MYH3: variants seen among roughly 807,000 people sequenced by gnomAD.
The protein encoded by MYH3 is myosin-3.
A neutral mutation model predicts 238.0 loss-of-function variants in MYH3; 130 were observed. The ratio of observed to expected loss-of-function variants is 0.55; its 90% CI spans 0.47 to 0.63. The LOEUF (loss-of-function observed/expected upper bound fraction) is 0.63, where lower values mean the gene tolerates loss of function less well. Among genes scored for constraint, MYH3 ranks in the 30% least tolerant of loss-of-function variants. MYH3 has a pLI of 0.00. For missense variants in MYH3, 1,853 were observed against 2,374.9 expected, an observed-to-expected ratio of 0.78 and a Z score of 4.57; for synonymous variants, 880 against 924.1, an observed-to-expected ratio of 0.95 and a Z score of 0.86.
Position 10,652,949 on chromosome 17 carries a change from C to G in MYH3, c.205-386G>C, listed in dbSNP as rs180837739. Among the ~76,000 whole-genome samples the G allele has an allele frequency of 5.7e-3, 866 of 152,140 alleles. 8 individuals are homozygous for G. Among genetic ancestry groups the G allele is most frequent in the African/African-American group, 0.02 (829 of 41,490 alleles). The stretch of plus-strand genomic sequence containing the variant: ...CTGCACGTCTTGTCTGCTGCCCCCA[C>G]CAAAAGACCAAGAGACTCTTGAGCC... On this transcript the variant is annotated intron_variant, in intron 3 of 40. Coordinates refer to ENST00000583535, the MANE Select transcript of MYH3 (RefSeq NM_002470.4).
intron 12 of MYH3, 119 bp downstream of exon 12, chr17:10,645,588 G>C (rs2074313314): frequency 2.3e-6 from 3 of 1,310,938 alleles, no homozygotes; most frequent in Non-Finnish European, 3.3e-6. Flanking sequence ...CTCCCAAAGT[G>C]CTGGGATTAC....
chr17:10,648,569 G>A lies in MYH3; in HGVS notation c.723C>T (p.Asn241=). The A allele has an allele frequency of 6.2e-7, 1 of 1,613,572 alleles. No individual in the cohort carries two copies. Among genetic ancestry groups the A allele is most frequent in the Non-Finnish European group, 8.5e-7 (1 of 1,179,484 alleles). Residue 241 remains asparagine, a synonymous_variant, in exon 8 of 41, where the codon AAC becomes AAT. Coordinates refer to ENST00000583535, the MANE Select transcript of MYH3 (RefSeq NM_002470.4). ...AACTCAGACTCACAAAACGGGAGGAGTTGTCATTCCTCACAGTCTTGGCGT... is the reference window on the plus strand; with the variant it reads ...AACTCAGACTCACAAAACGGGAGGAATTGTCATTCCTCACAGTCTTGGCGT... ...FGNAKTVRND[N]SSRFGKFIRI...
At chr17:10,648,737 A>G (rs569727713) in intron 7 of MYH3, 88 bp from the exon 8 acceptor site, 1 of 1,178,544 alleles carries the variant, frequency 8.5e-7, no homozygotes, top group African/African-American at 1.5e-5. Context: ...GTGCAATGGC[A>G]CGATCTTGGC....
At chr17:10,640,305 T>A in intron 21 of MYH3, 28 bp downstream of exon 21, 1 of 1,614,142 alleles carries the variant, frequency 6.2e-7, no homozygotes, top group Non-Finnish European at 8.5e-7. Flanking sequence ...CCCAAAGAGC[T>A]CATGTCTGAA....
In MYH3 at chr17:10,630,121, C is replaced by T; in HGVS notation, c.5533G>A (p.Glu1845Lys). The change falls in exon 38 of 41, where the codon GAG becomes AAG. Residue 1845 changes from glutamate (E) to lysine (K), a missense_variant. Physicochemically the swap from Glu to Lys is moderately conservative, Grantham distance 56. Transcript: ENST00000583535. Reference protein sequence around the residue: ...TESVKGLRKYERRVKELTYQS... With the variant: ...TESVKGLRKYKRRVKELTYQS... The stretch of plus-strand genomic sequence containing the variant: ...TACGTCAGCTCCTTGACCCTCCGCT[C>T]ATACTTCCTCAGGCCCTTAACAGAC... The T allele has an allele frequency of 1.1e-5, 18 of 1,614,190 alleles. No individual in the cohort carries two copies. Among genetic ancestry groups the T allele is most frequent in the Non-Finnish European group, 1.5e-5 (18 of 1,180,002 alleles).
At chr17:10,633,884 G>T in intron 32 of MYH3, 133 bp downstream of exon 32, 1 of 1,471,482 alleles carries the variant, frequency 6.8e-7, no homozygotes, top group Non-Finnish European at 9.4e-7. Context: ...CCGTCAGATG[G>T]TGAACACTTT....
rs1329203346 is a variant in MYH3 at position 10,637,835 on chromosome 17, T to C, written c.3830A>G (p.Gln1277Arg). 19 of 1,614,074 alleles carry C rather than the reference T, an allele frequency of 1.2e-5. No individual in the cohort carries two copies. Among genetic ancestry groups the C allele is most frequent in the Non-Finnish European group, 1.5e-5 (18 of 1,180,054 alleles). The change falls in exon 28 of 41, where the codon CAG (glutamine) becomes CGG (arginine). Residue 1277 changes from glutamine (Q) to arginine (R), a missense_variant. This residue lies in a region of MYH3 where 1,044 missense variants were observed against 1,192.6 expected (regional missense o/e 0.88). Coordinates refer to ENST00000583535, the MANE Select transcript of MYH3 (RefSeq NM_002470.4). Reference sequence around the variant, plus strand: ...AGCCTCGGTCTGCAAACGAGACTTCTGTGTGGTCAGCTCGCTCAGGCTCCT... The same window carrying C: ...AGCCTCGGTCTGCAAACGAGACTTCCGTGTGGTCAGCTCGCTCAGGCTCCT... Reference protein sequence around the residue: ...IQRSLSELTTQKSRLQTEAGE... With the variant: ...IQRSLSELTTRKSRLQTEAGE...
chr17:10,671,101 C>T, the MYH3 span, among the ~76,000 whole-genome samples: 2 of 152,120 alleles, frequency 1.3e-5, no homozygotes, highest in Non-Finnish European at 2.9e-5. Context: ...ACCATGTTGG[C>T]CAAACTGGTC....
intron 28 of MYH3, among the ~76,000 whole-genome samples, chr17:10,636,260 G>A (rs2074214294): frequency 7.3e-6 from 1 of 136,068 alleles, no homozygotes; most frequent in Non-Finnish European, 1.5e-5. Context: ...GGTGGAGGTT[G>A]CAGTGAGCCA....
chr17:10,628,622 A>G lies in MYH3; in HGVS notation c.*31T>C. On this transcript the variant is annotated 3_prime_UTR_variant, in exon 41 of 41. Transcript: ENST00000583535. Reference sequence around the variant, plus strand: ...GGAATCAAGAAAATATACATTTTGCATATCTTCTGTCCTGCTCCAGAAGGG... The same window carrying G: ...GGAATCAAGAAAATATACATTTTGCGTATCTTCTGTCCTGCTCCAGAAGGG... The G allele has an allele frequency of 1.2e-6, 2 of 1,612,720 alleles. No homozygotes were observed.
At chr17:10,632,896 T>C in intron 33 of MYH3, 112 bp from the exon 34 acceptor site, 2 of 1,207,868 alleles carry the variant, frequency 1.7e-6, no homozygotes, top group Admixed American at 1.7e-5. Flanking sequence ...AATCCTACAA[T>C]AGTCACAATT....
chr17:10,648,801 G>A (rs370192181), intron 7 of MYH3, 152 bp from the exon 8 acceptor site: 9 of 689,614 alleles, frequency 1.3e-5, no homozygotes, highest in East Asian at 8.5e-5. Context: ...TCAGCCTCCC[G>A]AGTACCTGGG....
upstream of MYH3, among the ~76,000 whole-genome samples, chr17:10,659,421 C>T (rs536399125): frequency 1.3e-5 from 2 of 152,320 alleles, no homozygotes; most frequent in Admixed American, 6.5e-5. Context: ...ACGTCACAGA[C>T]TCCTAGAGTG....
upstream of MYH3, chr17:10,659,074 T>C (rs1387283695): frequency 6.6e-6 from 1 of 152,166 alleles, no homozygotes; most frequent in Non-Finnish European, 1.5e-5. Flanking sequence ...CGTGGGAACT[T>C]GCAGTTCCTA....
Position 10,652,557 on chromosome 17 carries a change from C to A in MYH3, c.211G>T (p.Val71Leu), listed in dbSNP as rs757927582. The A allele has an allele frequency of 3.7e-6, 6 of 1,609,694 alleles. No individual in the cohort carries two copies. Among genetic ancestry groups the A allele is most frequent in the Non-Finnish European group, 4.2e-6 (5 of 1,177,638 alleles). ...TVETEDNRTLVVKPEDVYAMN... is the reference protein window; with the variant it reads ...TVETEDNRTLLVKPEDVYAMN... ...GCGTACACATCCTCTGGTTTGACCA[C>A]CAGGGTCTAAAAAGGAAGAGGCACA... The change falls in exon 4 of 41, where the codon GTG becomes TTG. Residue 71 changes from valine to leucine, a missense_variant. By Grantham distance (32) the Val-to-Leu change is conservative. Around this residue, in one of 3 missense-constraint regions of MYH3, gnomAD observed 131 missense variants for 123.5 expected, o/e 1.06. Transcript: ENST00000583535.
At chr17:10,661,682 T>C (rs1325425984), upstream of MYH3, among the ~76,000 whole-genome samples, 4 of 152,146 alleles carry the variant, frequency 2.6e-5, no homozygotes, top group South Asian at 4.1e-4. Flanking sequence ...CCGCCGCCGT[T>C]TGATGTTCAG....
At chr17:10,663,677 T>G in the MYH3 span, among the ~76,000 whole-genome samples, 2 of 152,040 alleles carry the variant, frequency 1.3e-5, no homozygotes, top group Non-Finnish European at 2.9e-5. Context: ...GGGACTTTCT[T>G]TTGGCTTTTT....
upstream of MYH3, among the ~76,000 whole-genome samples, chr17:10,661,238 A>G (rs1346855457): frequency 6.7e-6 from 1 of 149,516 alleles, no homozygotes; most frequent in Non-Finnish European, 1.5e-5. Context: ...CAGCCTCCCA[A>G]AGTGCAAGGA....
intron 36 of MYH3, 146 bp downstream of exon 36, chr17:10,631,465 G>A: frequency 1.8e-6 from 2 of 1,130,738 alleles, no homozygotes; most frequent in South Asian, 2.7e-5. Context: ...GGAGGGAACA[G>A]GGGAGTTTGA....
Sources: gnomAD v4.1 joint callset for allele counts (sites outside exome capture counted in the v4.1 genomes callset) on GRCh38, gnomAD v4.1.1 for gene constraint, gnomAD v4.1.1 regional missense constraint, MANE v1.5 for transcripts, NCBI Gene and HGNC (gene_info 2026-07-23, HGNC 2026-07-21) for gene names.